COLEC10: variants seen among roughly 807,000 people sequenced by gnomAD.
The protein encoded by COLEC10 is collectin subfamily member 10, also known as collectin-10.
Under a neutral mutation model 28.4 loss-of-function variants are expected in COLEC10, and 22 were observed. The ratio of observed to expected loss-of-function variants is 0.78; its 90% CI spans 0.55 to 1.11. The LOEUF (loss-of-function observed/expected upper bound fraction) is 1.11. Ranked by LOEUF, COLEC10 falls within the 50% of genes least tolerant of loss-of-function variation. COLEC10 has a pLI of 0.00. For missense variants in COLEC10, 361 were observed against 344.1 expected (o/e 1.05, Z -0.39); for synonymous variants, 125 against 116.1 (o/e 1.08, Z -0.49).
At chr8:119,046,496 A>G (rs1814590526) in intron 2 of COLEC10, among the ~76,000 whole-genome samples, 1 of 152,194 alleles carries the variant, frequency 6.6e-6, no homozygotes, top group Non-Finnish European at 1.5e-5. Flanking sequence ...TGTACAGTAA[A>G]TTGAAATTCT....
intron 3 of COLEC10, among the ~76,000 whole-genome samples, chr8:119,098,276 G>A (rs1469509390): frequency 2.0e-5 from 3 of 151,990 alleles, no homozygotes; most frequent in Admixed American, 1.3e-4. Flanking sequence ...AGTAGATGAC[G>A]AAGACAAGAA....
chr8:118,976,279 C>T, the COLEC10 span, among the ~76,000 whole-genome samples: 8 of 152,102 alleles, frequency 5.3e-5, no homozygotes, highest in African/African-American at 1.2e-4. Context: ...TTGTAGTTTA[C>T]ACAAAATACA....
chr8:118,988,286 G>T, the COLEC10 span, among the ~76,000 whole-genome samples: 1 of 151,802 alleles, frequency 6.6e-6, no homozygotes, highest in Non-Finnish European at 1.5e-5. Context: ...GGGTTCTGGC[G>T]GTGGAGACAG....
intron 1 of COLEC10, among the ~76,000 whole-genome samples, chr8:119,078,757 A>G (rs1385492): frequency 0.39 from 58,983 of 151,906 alleles, 12,065 homozygotes; most frequent in Non-Finnish European, 0.46. Flanking sequence ...ATGTTCATAG[A>G]CTGAGATGTT....
chr8:119,050,667 A>G (rs1157406287), intron 2 of COLEC10, among the ~76,000 whole-genome samples: 3 of 152,242 alleles, frequency 2.0e-5, no homozygotes, highest in Admixed American at 2.0e-4. Context: ...GAAAAAATGT[A>G]TATTTTTGGA....
intron 1 of COLEC10, among the ~76,000 whole-genome samples, chr8:119,000,169 A>G (rs151281613): frequency 1.3e-3 from 198 of 152,294 alleles, no homozygotes; most frequent in African/African-American, 4.5e-3. Flanking sequence ...AGATTCAGAT[A>G]AAAGGAGGAG....
intron 1 of COLEC10, among the ~76,000 whole-genome samples, chr8:119,074,781 C>T (rs565398139): frequency 1.3e-5 from 2 of 152,194 alleles, no homozygotes; most frequent in Non-Finnish European, 2.9e-5. Flanking sequence ...CTGTAGCTCT[C>T]CAACTGAGCC....
chr8:119,091,072 C>T (rs953110268), intron 2 of COLEC10, 77 bp from the exon 3 acceptor site: 1 of 1,121,806 alleles, frequency 8.9e-7, no homozygotes, highest in East Asian at 2.4e-5. Flanking sequence ...GTATTTCTTT[C>T]AAGTGAATAT....
At chr8:119,103,091 A>G (rs1000725218) in intron 4 of COLEC10, among the ~76,000 whole-genome samples, 4 of 152,198 alleles carry the variant, frequency 2.6e-5, no homozygotes, top group Non-Finnish European at 4.4e-5. Flanking sequence ...TATAACAGCC[A>G]TTAAATAGAA....
chr8:118,968,592 T>A, the COLEC10 span, among the ~76,000 whole-genome samples: 1 of 150,756 alleles, frequency 6.6e-6, no homozygotes, highest in African/African-American at 2.4e-5. Flanking sequence ...TATGTGTGTA[T>A]ATATATACGT....
rs148707148 is a variant in COLEC10, at chr8:119,083,169, G to A, written c.149-6511G>A. On this transcript the variant is annotated intron_variant, in intron 1 of 5. Transcript: ENST00000332843. Reference sequence around the variant, plus strand: ...ACAGGAAGGGATTCAATCTGAGTTAGGTCCAGCTGCTCAAGTCACGTGTTC... The same window carrying A: ...ACAGGAAGGGATTCAATCTGAGTTAAGTCCAGCTGCTCAAGTCACGTGTTC... Among the ~76,000 whole-genome samples the A allele has an allele frequency of 1.7e-3, 253 of 152,288 alleles. 1 individual carries two copies. Among genetic ancestry groups the A allele is most frequent in the African/African-American group, 5.9e-3 (247 of 41,574 alleles).
the COLEC10 span, among the ~76,000 whole-genome samples, chr8:118,966,373 GT>G: frequency 1.3e-5 from 2 of 152,070 alleles, no homozygotes; most frequent in South Asian, 2.1e-4. Flanking sequence ...AAGCTGTGAA[GT>G]TTTTTTCCTA....
chr8:119,072,520 A>G (rs996996675), intron 1 of COLEC10, among the ~76,000 whole-genome samples: 2 of 152,194 alleles, frequency 1.3e-5, no homozygotes, highest in African/African-American at 4.8e-5. Flanking sequence ...TTAAGTCACT[A>G]GCTCAAGGCC....
chr8:119,006,474 G>T (rs982420778), intron 1 of COLEC10, among the ~76,000 whole-genome samples: 3 of 152,046 alleles, frequency 2.0e-5, no homozygotes, highest in African/African-American at 7.2e-5. Context: ...CCCTGAAACT[G>T]TTTTGTGGGA....
At chr8:119,012,164 T>C (rs556761701) in intron 2 of COLEC10, among the ~76,000 whole-genome samples, 19 of 150,948 alleles carry the variant, frequency 1.3e-4, no homozygotes, top group Non-Finnish European at 2.4e-4. Flanking sequence ...CTGAAAGTGT[T>C]TTTTAATCAT....
At chr8:118,967,709 C>T in the COLEC10 span, among the ~76,000 whole-genome samples, 289 of 152,034 alleles carry the variant, frequency 1.9e-3, no homozygotes, top group Non-Finnish European at 3.5e-3. Flanking sequence ...TAATTGTAAA[C>T]AAAGAAATTT....
intron 2 of COLEC10, among the ~76,000 whole-genome samples, chr8:119,018,594 T>G (rs2130101094): frequency 6.6e-6 from 1 of 152,360 alleles, no homozygotes; most frequent in South Asian, 2.1e-4. Flanking sequence ...AGGGGAATAG[T>G]TTCTGAAAAC....
At chr8:119,069,629 A>AATATATATATATATATATAT (rs1207445435) in intron 1 of COLEC10, among the ~76,000 whole-genome samples, 3 of 42,878 alleles carry the variant, frequency 7.0e-5, no homozygotes, top group East Asian at 9.6e-4. Flanking sequence ...AAAAAAAAAA[A>AATATATATATATATATATAT]ATATATATAT....
chr8:119,057,048 T>G (rs1814774237), intron 2 of COLEC10, among the ~76,000 whole-genome samples: 1 of 152,096 alleles, frequency 6.6e-6, no homozygotes, highest in Non-Finnish European at 1.5e-5. Flanking sequence ...TCTAAAATCC[T>G]GCTGATATGG....
Sources: gnomAD v4.1 joint callset for allele counts (sites outside exome capture counted in the v4.1 genomes callset) on GRCh38, gnomAD v4.1.1 for gene constraint, MANE v1.5 for transcripts, NCBI Gene and HGNC (gene_info 2026-07-23, HGNC 2026-07-21) for gene names.